The following C6 variants were observed in gnomAD, a reference collection of about 807,000 sequenced individuals.
C6 encodes the protein complement C6.
In C6, 101 loss-of-function variants were observed where a neutral mutation model predicts 112.9. The observed-to-expected ratio is 0.89, with a 90% CI of 0.76 to 1.06. The LOEUF is 1.06. Among genes scored for constraint, C6 ranks in the 50% least tolerant of loss-of-function variants. The pLI, the probability that C6 is intolerant of heterozygous loss-of-function variation, is 0.00. For missense variants in C6, 1,202 were observed against 1,104.6 expected, an observed-to-expected ratio of 1.09 and a Z score of -1.25; for synonymous variants, 431 against 384.1, an observed-to-expected ratio of 1.12 and a Z score of -1.43.
chr5:41,209,106 C>A (rs1751681871), intron 1 of C6, among the ~76,000 whole-genome samples: 2 of 152,154 alleles, frequency 1.3e-5, no homozygotes, highest in South Asian at 2.1e-4. Flanking sequence ...AAAAACAGAA[C>A]CAACGACAAA....
intron 7 of C6, among the ~76,000 whole-genome samples, chr5:41,179,467 T>G (rs772244290): frequency 2.0e-5 from 3 of 151,938 alleles, no homozygotes; most frequent in Admixed American, 6.6e-5. Context: ...TATACTGAGC[T>G]AGGGAGCTAA....
At chr5:41,248,120 T>C (rs931194947) in intron 1 of C6, among the ~76,000 whole-genome samples, 4 of 152,168 alleles carry the variant, frequency 2.6e-5, no homozygotes, top group African/African-American at 9.7e-5. Context: ...GGCTAGCACA[T>C]GCAGAATAAT....
At chr5:41,245,870 C>A (rs953249093) in intron 1 of C6, among the ~76,000 whole-genome samples, 1 of 152,102 alleles carries the variant, frequency 6.6e-6, no homozygotes, top group Admixed American at 6.5e-5. Context: ...GATATTTATT[C>A]ATGAGAGATG....
intron 9 of C6, among the ~76,000 whole-genome samples, chr5:41,162,170 C>G (rs114422188): frequency 3.8e-4 from 58 of 152,146 alleles, no homozygotes; most frequent in Non-Finnish European, 2.2e-4. Flanking sequence ...ACATTGAAGC[C>G]GAAAGTAATT....
At chr5:41,212,622 T>C (rs573596760) in intron 1 of C6, among the ~76,000 whole-genome samples, 2 of 152,262 alleles carry the variant, frequency 1.3e-5, no homozygotes, top group South Asian at 4.1e-4. Context: ...CTGTACAATT[T>C]TCATACAAAC....
chr5:41,157,401 C>G (rs1747019217), intron 13 of C6, among the ~76,000 whole-genome samples: 1 of 152,122 alleles, frequency 6.6e-6, no homozygotes, highest in Non-Finnish European at 1.5e-5. Context: ...GGATAATGTT[C>G]TAGGGCAGGG....
rs149795389 is a variant in C6, at chr5:41,240,521, T to A, written c.-21+20673A>T. ...AGGCAGCATTCTCTGGTATTAATGG[T>A]GGCTGTGATGGGCCAGGTGGGCCAT... is the stretch of plus-strand genomic sequence containing the variant. On this transcript the variant is annotated intron_variant, in intron 1 of 17. Coordinates refer to the C6 transcript ENST00000263413. Among the ~76,000 whole-genome samples the A allele has an allele frequency of 3.6e-3, 554 of 152,220 alleles. 3 individuals are homozygous for A. Among genetic ancestry groups the A allele is most frequent in the African/African-American group, 0.013 (537 of 41,548 alleles).
At chr5:41,219,090 G>A (rs1739014030) in intron 1 of C6, among the ~76,000 whole-genome samples, 1 of 152,194 alleles carries the variant, frequency 6.6e-6, no homozygotes, top group African/African-American at 2.4e-5. Flanking sequence ...AATCAGAATG[G>A]ATGCTGTCCA....
intron 5 of C6, among the ~76,000 whole-genome samples, chr5:41,192,513 T>C (rs541319558): frequency 6.6e-6 from 1 of 152,318 alleles, no homozygotes; most frequent in African/African-American, 2.4e-5. Context: ...GTCCTGGGCT[T>C]TTCTTTTTTG....
intron 1 of C6, among the ~76,000 whole-genome samples, chr5:41,260,283 C>CAT (rs539376645): frequency 6.6e-6 from 1 of 151,920 alleles, no homozygotes; most frequent in African/African-American, 2.4e-5. Context: ...CACACACACA[C>CAT]GCCAGCTTTG....
intron 5 of C6, among the ~76,000 whole-genome samples, chr5:41,187,905 G>C (rs994123757): frequency 6.6e-6 from 1 of 152,038 alleles, no homozygotes; most frequent in Admixed American, 6.6e-5. Context: ...TTATTAAAAG[G>C]TTGCATACTA....
intron 13 of C6, among the ~76,000 whole-genome samples, chr5:41,157,506 T>C (rs1378438346): frequency 6.6e-6 from 1 of 152,224 alleles, no homozygotes; most frequent in Non-Finnish European, 1.5e-5. Context: ...TGTATGAAAG[T>C]AGCCATAGAC....
chr5:41,241,221 T>C (rs1740692779), intron 1 of C6, among the ~76,000 whole-genome samples: 1 of 152,226 alleles, frequency 6.6e-6, no homozygotes, highest in South Asian at 2.1e-4. Context: ...GGGGTGGGGT[T>C]CTGCCAGTGG....
At chr5:41,143,371 T>C (rs369328390) in intron 17 of C6, among the ~76,000 whole-genome samples, 4 of 152,290 alleles carry the variant, frequency 2.6e-5, no homozygotes, top group African/African-American at 9.6e-5. Flanking sequence ...GGCACCTCCC[T>C]TTTACTCACT....
chr5:41,187,196 G>A (rs1024415915), intron 5 of C6, among the ~76,000 whole-genome samples: 1 of 152,092 alleles, frequency 6.6e-6, no homozygotes, highest in African/African-American at 2.4e-5. Context: ...TAGCACCAAT[G>A]CCCTTCCCTT....
At chr5:41,224,141 A>G (rs1739341140) in intron 1 of C6, among the ~76,000 whole-genome samples, 1 of 152,168 alleles carries the variant, frequency 6.6e-6, no homozygotes, top group Non-Finnish European at 1.5e-5. Context: ...CAAACTAATT[A>G]ACATATCTAT....
In C6 at chr5:41,201,624, GC is replaced by G. The variant is rs1426276737; in HGVS notation, c.233del (p.Cys78SerfsTer45). On this transcript the variant is annotated frameshift_variant, in exon 3 of 18. Transcript: ENST00000337836. LOFTEE classifies it high-confidence loss of function. ...QETRECNWQRCPINCLLGDFG... is the reference protein window; with the variant it reads ...QETRECNWQRXPINCLLGDFG... ...AATCTCCCAGGAGGCAGTTGATGGG[GC>G]ATCTTTGCCAGTTACATTCTCTAGT... The G allele has an allele frequency of 6.2e-7, 1 of 1,613,482 alleles. No individual in the cohort carries two copies. The highest frequency in any genetic ancestry group is 8.5e-7 in the Non-Finnish European group (1 of 1,179,848).
intron 5 of C6, among the ~76,000 whole-genome samples, chr5:41,186,806 A>G (rs1749805315): frequency 6.6e-6 from 1 of 152,116 alleles, no homozygotes; most frequent in African/African-American, 2.4e-5. Flanking sequence ...TATTACAACC[A>G]TATGATGTAG....
intron 1 of C6, among the ~76,000 whole-genome samples, chr5:41,238,350 A>C (rs2962281): frequency 0.53 from 79,909 of 150,122 alleles, 23,692 homozygotes; most frequent in South Asian, 0.67. Flanking sequence ...TACAGTAACC[A>C]AAACAGCATG....
Sources: gnomAD v4.1 joint callset for allele counts (sites outside exome capture counted in the v4.1 genomes callset) on GRCh38, gnomAD v4.1.1 for gene constraint, MANE v1.5 for transcripts, NCBI Gene and HGNC (gene_info 2026-07-23, HGNC 2026-07-21) for gene names.